Variants in RNF150 observed in about 807,000 individuals in gnomAD.
The protein encoded by RNF150 is ring finger protein 150.
In RNF150, 24 loss-of-function variants were observed where a neutral mutation model predicts 39.3. The ratio of observed to expected loss-of-function variants is 0.61; its 90% CI spans 0.44 to 0.86. RNF150 has a LOEUF of 0.86. Among genes scored for constraint, RNF150 ranks in the 40% least tolerant of loss-of-function variants. The probability of loss-of-function intolerance (pLI) is 0.00; values close to 1 mark genes in which losing one functional copy is unlikely to be tolerated. For synonymous variants in RNF150, 255 were observed against 227.3 expected (o/e 1.12, Z -1.10); for missense variants, 502 against 587.8 (o/e 0.85, Z 1.51).
intron 1 of RNF150, among the ~76,000 whole-genome samples, chr4:141,147,552 G>C (rs1048748615): frequency 1.3e-5 from 2 of 152,224 alleles, no homozygotes; most frequent in African/African-American, 2.4e-5. Context: ...GTATCTCTAT[G>C]TACACAAGGC....
intron 3 of RNF150, among the ~76,000 whole-genome samples, chr4:140,948,098 A>G (rs1361893372): frequency 6.6e-6 from 1 of 152,212 alleles, no homozygotes; most frequent in African/African-American, 2.4e-5. Flanking sequence ...TCTAGTGTAT[A>G]AAATAAATAT....
intron 1 of RNF150, among the ~76,000 whole-genome samples, chr4:141,044,378 C>T (rs1004672146): frequency 6.6e-6 from 1 of 152,098 alleles, no homozygotes. Flanking sequence ...TTCAAATTCT[C>T]AAAATGGTAA....
chr4:141,195,330 G>C (rs1253025553), intron 1 of RNF150, among the ~76,000 whole-genome samples: 1 of 152,122 alleles, frequency 6.6e-6, no homozygotes, highest in Non-Finnish European at 1.5e-5. Context: ...AATTATTCTA[G>C]GTCACTTTCC....
At chr4:140,896,544 G>A (rs1245053694) in intron 6 of RNF150, among the ~76,000 whole-genome samples, 3 of 81,868 alleles carry the variant, frequency 3.7e-5, no homozygotes, top group Non-Finnish European at 4.8e-5. Flanking sequence ...TGGTGGGGTC[G>A]GGGGAGGGGG....
chr4:141,029,689 A>T (rs551458870), intron 1 of RNF150, among the ~76,000 whole-genome samples: 1 of 152,346 alleles, frequency 6.6e-6, no homozygotes, highest in Admixed American at 6.5e-5. Context: ...CAAATTATGG[A>T]ATCAAATGTC....
intron 1 of RNF150, among the ~76,000 whole-genome samples, chr4:140,973,465 C>G (rs1360097982): frequency 6.6e-6 from 1 of 151,898 alleles, no homozygotes; most frequent in Non-Finnish European, 1.5e-5. Context: ...AATTTTTTCT[C>G]TCCTGTGATT....
intron 1 of RNF150, among the ~76,000 whole-genome samples, chr4:141,102,133 A>G (rs1275969137): frequency 6.6e-6 from 1 of 152,124 alleles, no homozygotes; most frequent in Non-Finnish European, 1.5e-5. Context: ...TTTTTCATGG[A>G]CCAAAATGTC....
intron 1 of RNF150, among the ~76,000 whole-genome samples, chr4:141,008,800 A>C (rs1734960687): frequency 6.6e-6 from 1 of 152,044 alleles, no homozygotes; most frequent in African/African-American, 2.4e-5. Context: ...CATTACTGTG[A>C]CTTTAGTTTA....
intron 1 of RNF150, among the ~76,000 whole-genome samples, chr4:141,063,150 G>A (rs1410675575): frequency 6.6e-6 from 1 of 152,126 alleles, no homozygotes; most frequent in Non-Finnish European, 1.5e-5. Flanking sequence ...GTTGTTTAAA[G>A]AATCTTTTTA....
intron 1 of RNF150, among the ~76,000 whole-genome samples, chr4:141,089,852 G>A (rs1417046561): frequency 6.6e-6 from 1 of 152,156 alleles, no homozygotes; most frequent in Non-Finnish European, 1.5e-5. Flanking sequence ...CAAATCTACA[G>A]CAACATGTCA....
chr4:141,021,961 C>A (rs1735511225), intron 1 of RNF150, among the ~76,000 whole-genome samples: 3 of 152,220 alleles, frequency 2.0e-5, no homozygotes, highest in African/African-American at 4.8e-5. Flanking sequence ...CTTGCCCCTG[C>A]AACCAATGTA....
chr4:140,965,304 C>T (rs1733194727), intron 2 of RNF150, among the ~76,000 whole-genome samples: 1 of 151,956 alleles, frequency 6.6e-6, no homozygotes, highest in Admixed American at 6.6e-5. Flanking sequence ...TGTAGATGGG[C>T]ACAGCCATTA....
chr4:141,138,855 AC>A (rs1727070073), intron 1 of RNF150, among the ~76,000 whole-genome samples: 1 of 152,222 alleles, frequency 6.6e-6, no homozygotes, highest in Non-Finnish European at 1.5e-5. Flanking sequence ...AGGGGTCAGG[AC>A]AAGAAGAGTA....
In RNF150 at chr4:140,877,387, G is replaced by A. The variant is rs986876928; in HGVS notation, c.1199-9008C>T. On this transcript the variant is annotated intron_variant, in intron 6 of 6. Transcript: ENST00000515673. ...ACATTAAGCATAATATCTGGTAGAT[G>A]AAAGACTTTTGATGAATGTAAATAT... Among the ~76,000 whole-genome samples the A allele has an allele frequency of 1.4e-4, 21 of 152,310 alleles. No homozygotes were observed. The South Asian group carries it at 2.3e-3, about 17-fold the overall frequency.
chr4:141,183,397 T>C (rs1727944649), intron 1 of RNF150, among the ~76,000 whole-genome samples: 1 of 152,150 alleles, frequency 6.6e-6, no homozygotes, highest in African/African-American at 2.4e-5. Flanking sequence ...GAGAAAAACC[T>C]GTGAATATGA....
intron 1 of RNF150, among the ~76,000 whole-genome samples, chr4:141,003,098 A>T (rs549569541): frequency 6.6e-6 from 1 of 152,104 alleles, no homozygotes; most frequent in Non-Finnish European, 1.5e-5. Flanking sequence ...CCTGATAAAG[A>T]TATTTCTTGA....
rs1727583881 is a variant in RNF150, at chr4:141,165,427, T to G, written c.-6+47367A>C. Among the ~76,000 whole-genome samples, 3 of 152,200 alleles carry G rather than the reference T, an allele frequency of 2.0e-5. No individual in the cohort carries two copies. The South Asian group carries it at 6.2e-4, about 32-fold the overall frequency. Reference sequence around the variant, plus strand: ...TCACAAGGATATTCAGGACTTGAACTCAGCTCTGGACCAAGCAGACCTAAT... The same window carrying G: ...TCACAAGGATATTCAGGACTTGAACGCAGCTCTGGACCAAGCAGACCTAAT... On this transcript the variant is annotated intron_variant, in intron 1 of 7. Transcript: ENST00000420921.
chr4:140,899,173 A>T (rs1209984282), intron 6 of RNF150, among the ~76,000 whole-genome samples: 3 of 152,136 alleles, frequency 2.0e-5, no homozygotes, highest in African/African-American at 7.2e-5. Flanking sequence ...CTGCCCTGAA[A>T]CTGTCCATAA....
At chr4:140,945,216 A>G (rs1732237527) in intron 4 of RNF150, among the ~76,000 whole-genome samples, 1 of 152,212 alleles carries the variant, frequency 6.6e-6, no homozygotes, top group East Asian at 1.9e-4. Context: ...CCTGAAGCCA[A>G]ACTAAACTAG....
Sources: allele counts gnomAD v4.1 joint callset (sites outside exome capture counted in the v4.1 genomes callset), GRCh38; gene constraint gnomAD v4.1.1; transcripts MANE v1.5; gene names NCBI Gene and HGNC (gene_info 2026-07-23, HGNC 2026-07-21).